TSPAN5: variants seen among roughly 807,000 people sequenced by gnomAD.
TSPAN5 encodes the protein tetraspanin-5.
In TSPAN5, 10 loss-of-function variants were observed where a neutral mutation model predicts 37.1. That is an observed-to-expected ratio of 0.27 (90% CI 0.17 to 0.46). The LOEUF is 0.46. Among genes scored for constraint, TSPAN5 ranks in the 20% least tolerant of loss-of-function variants. The pLI, the probability that TSPAN5 is intolerant of heterozygous loss-of-function variation, is 1.00. For synonymous variants in TSPAN5, 110 were observed against 118.9 expected (o/e 0.93, Z 0.48); for missense variants, 195 against 326.6 (o/e 0.60, Z 3.11).
intron 1 of TSPAN5, among the ~76,000 whole-genome samples, chr4:98,650,563 T>G (rs1227522026): frequency 6.6e-6 from 1 of 152,220 alleles, no homozygotes; most frequent in African/African-American, 2.4e-5. Flanking sequence ...AACTAAACCC[T>G]GTGGTATCAG....
chr4:98,509,417 C>A (rs1480350149), intron 1 of TSPAN5, among the ~76,000 whole-genome samples: 1 of 152,096 alleles, frequency 6.6e-6, no homozygotes, highest in Non-Finnish European at 1.5e-5. Context: ...AGGGGACTGA[C>A]AAAAGACAAT....
intron 1 of TSPAN5, among the ~76,000 whole-genome samples, chr4:98,625,447 A>C (rs1435764180): frequency 5.9e-5 from 9 of 152,352 alleles, no homozygotes; most frequent in African/African-American, 2.2e-4. Context: ...TAATCAAGGT[A>C]AGACTTATTT....
chr4:98,473,451 C>CTTTTTT (rs1214653688), intron 7 of TSPAN5, among the ~76,000 whole-genome samples: 1 of 146,046 alleles, frequency 6.8e-6, no homozygotes, highest in African/African-American at 2.5e-5. Context: ...GCTTATTAGC[C>CTTTTTT]ATTTTTTTTT....
intron 1 of TSPAN5, among the ~76,000 whole-genome samples, chr4:98,556,812 T>G (rs1754761104): frequency 6.6e-6 from 1 of 152,200 alleles, no homozygotes. Flanking sequence ...GGCTGGGTCT[T>G]TTGAAGTCCA....
In TSPAN5 at chr4:98,658,244, A is replaced by C. The variant is rs1006965708; in HGVS notation, c.-18T>G. The C allele has an allele frequency of 2.0e-5, 33 of 1,610,096 alleles. No individual in the cohort carries two copies. Among genetic ancestry groups the C allele is most frequent in the Non-Finnish European group, 2.8e-5 (33 of 1,176,456 alleles). ...CCGGACATCCTCTGGGTTCATGAAG[A>C]CACTTGCCCCGGCAGCCCGAGTTTG... On this transcript the variant is annotated 5_prime_UTR_variant, in exon 1 of 8. Transcript: ENST00000305798.
chr4:98,542,330 C>T (rs1754377095), intron 1 of TSPAN5, among the ~76,000 whole-genome samples: 1 of 152,144 alleles, frequency 6.6e-6, no homozygotes, highest in South Asian at 2.1e-4. Context: ...GCTTTGCATG[C>T]ATACTGTGCA....
intron 3 of TSPAN5, chr4:98,484,441 C>G (rs769770320): frequency 2.2e-6 from 1 of 456,008 alleles, no homozygotes; most frequent in South Asian, 1.5e-5. Context: ...TATTGTTTGT[C>G]CTAAATGGAG....
At chr4:98,621,260 C>T (rs185464742) in intron 1 of TSPAN5, among the ~76,000 whole-genome samples, 59 of 152,186 alleles carry the variant, frequency 3.9e-4, no homozygotes, top group African/African-American at 1.3e-3. Context: ...ACACCTTCAT[C>T]TCAGAGCTGC....
chr4:98,588,485 AT>A (rs1755550015), intron 1 of TSPAN5, among the ~76,000 whole-genome samples: 1 of 152,170 alleles, frequency 6.6e-6, no homozygotes, highest in African/African-American at 2.4e-5. Context: ...TTTTTAAAGA[AT>A]GTCTTTTCTC....
intron 1 of TSPAN5, among the ~76,000 whole-genome samples, chr4:98,636,216 G>A (rs1756854379): frequency 6.6e-6 from 1 of 152,292 alleles, no homozygotes; most frequent in Non-Finnish European, 1.5e-5. Context: ...TTCCCACAAG[G>A]TGGTGGAAAA....
chr4:98,567,799 C>T (rs1484247326), intron 1 of TSPAN5, among the ~76,000 whole-genome samples: 4 of 151,836 alleles, frequency 2.6e-5, no homozygotes, highest in Non-Finnish European at 5.9e-5. Context: ...TAGTTGTTGG[C>T]GGTGGTGGCG....
At chr4:98,533,946 A>AAAAAAAAAAAAAAAC (rs1754168086) in intron 1 of TSPAN5, among the ~76,000 whole-genome samples, 1 of 140,256 alleles carries the variant, frequency 7.1e-6, no homozygotes, top group Non-Finnish European at 1.6e-5. Context: ...TCTTAAAAAA[A>AAAAAAAAAAAAAAAC]AAAAAAAAAA....
chr4:98,630,017 C>T (rs1351174374), intron 1 of TSPAN5, among the ~76,000 whole-genome samples: 7 of 152,190 alleles, frequency 4.6e-5, no homozygotes, highest in Admixed American at 1.3e-4. Context: ...CCAACCCAAA[C>T]GCTTTCCCTA....
In TSPAN5 at chr4:98,549,280, TTTTG is replaced by T. The variant is rs536945111; in HGVS notation, c.82-41556_82-41553del. Among the ~76,000 whole-genome samples the T allele has an allele frequency of 6.1e-4, 89 of 144,760 alleles. 1 individual carries two copies. Among genetic ancestry groups the T allele is most frequent in the South Asian group, 2.6e-3 (12 of 4,690 alleles). The allele number at this position is 144,760 out of a possible 152,430, so 95.0% of individuals were successfully genotyped here. A position where few individuals can be genotyped will look rare whatever the true frequency, so the allele number is the denominator to read the frequency against. The stretch of plus-strand genomic sequence containing the variant: ...AGGTATCTCATTGTGGTTGTTTTAT[TTTTG>T]TTTGTTTGTTTGTTTTTGTTTTTTT... On this transcript the variant is annotated intron_variant, in intron 1 of 7. Transcript: ENST00000305798.
intron 1 of TSPAN5, among the ~76,000 whole-genome samples, chr4:98,631,507 G>A (rs1298186229): frequency 1.3e-5 from 2 of 152,064 alleles, no homozygotes; most frequent in East Asian, 3.9e-4. Flanking sequence ...ATGTCATCTG[G>A]TATCCCTCCA....
At chr4:98,581,612 G>C (rs1224282023) in intron 1 of TSPAN5, among the ~76,000 whole-genome samples, 1 of 152,036 alleles carries the variant, frequency 6.6e-6, no homozygotes, top group Non-Finnish European at 1.5e-5. Flanking sequence ...ATCCAAAACG[G>C]ATTAACTTTT....
At chr4:98,513,834 C>T (rs1753666703) in intron 1 of TSPAN5, among the ~76,000 whole-genome samples, 1 of 150,976 alleles carries the variant, frequency 6.6e-6, no homozygotes, top group African/African-American at 2.4e-5. Flanking sequence ...TTTCCAACAC[C>T]CCTGCTACTT....
intron 1 of TSPAN5, among the ~76,000 whole-genome samples, chr4:98,576,564 A>C (rs1021668135): frequency 6.6e-6 from 1 of 152,036 alleles, no homozygotes; most frequent in African/African-American, 2.4e-5. Context: ...AAAAACTAAA[A>C]AATTAGCCAG....
intron 1 of TSPAN5, among the ~76,000 whole-genome samples, chr4:98,635,435 GTCTTTTA>G (rs1407183767): frequency 6.6e-6 from 1 of 152,210 alleles, no homozygotes; most frequent in African/African-American, 2.4e-5. Flanking sequence ...ATTGGCTGAT[GTCTTTTA>G]TCTTTTCACC....
Sources: allele counts gnomAD v4.1 joint callset (sites outside exome capture counted in the v4.1 genomes callset), GRCh38; gene constraint gnomAD v4.1.1; transcripts MANE v1.5; gene names NCBI Gene and HGNC (gene_info 2026-07-23, HGNC 2026-07-21).